The following GPC5 variants were observed in gnomAD, a reference collection of about 807,000 sequenced individuals.
GPC5 encodes glypican-5.
A neutral mutation model predicts 53.9 loss-of-function variants in GPC5; 47 were observed. That is an observed-to-expected ratio of 0.87 (90% CI 0.69 to 1.11). The LOEUF is 1.11. Among genes scored for constraint, GPC5 ranks in the 50% most tolerant of loss-of-function variants. The pLI, the probability that GPC5 is intolerant of heterozygous loss-of-function variation, is 0.00. For missense variants in GPC5, 748 were observed against 713.1 expected (o/e 1.05, Z -0.56); for synonymous variants, 286 against 263.3 (o/e 1.09, Z -0.84).
chr13:91,788,229 C>T (rs1409561267), intron 5 of GPC5, among the ~76,000 whole-genome samples: 1 of 152,154 alleles, frequency 6.6e-6, no homozygotes, highest in East Asian at 1.9e-4. Context: ...AGAAGGCTGC[C>T]TTCTTGCTGT....
rs116066139 is a variant in GPC5, at chr13:91,957,332, T to C, written c.1401+49275T>C. Among the ~76,000 whole-genome samples the C allele has an allele frequency of 6.0e-3, 915 of 152,206 alleles. 16 individuals are homozygous for C. The highest frequency in any genetic ancestry group is 0.021 in the African/African-American group (881 of 41,542). Reference sequence around the variant, plus strand: ...ACCCTATATGACATGTGGAACACCATAAAGCAACCAAATATTCACATTTTA... The same window carrying C: ...ACCCTATATGACATGTGGAACACCACAAAGCAACCAAATATTCACATTTTA... On this transcript the variant is annotated intron_variant, in intron 6 of 7. Transcript: ENST00000377067.
chr13:92,194,685 A>G (rs2042245514), intron 7 of GPC5, among the ~76,000 whole-genome samples: 1 of 152,224 alleles, frequency 6.6e-6, no homozygotes, highest in East Asian at 1.9e-4. Flanking sequence ...AATGCATCAG[A>G]GAGTAGACTA....
chr13:91,945,631 A>T (rs1213578953), intron 6 of GPC5, among the ~76,000 whole-genome samples: 1 of 152,156 alleles, frequency 6.6e-6, no homozygotes, highest in African/African-American at 2.4e-5. Context: ...CTCTAGGACG[A>T]AGGAAAGGGG....
At chr13:92,217,358 T>A (rs1023626468) in intron 7 of GPC5, among the ~76,000 whole-genome samples, 2 of 152,148 alleles carry the variant, frequency 1.3e-5, no homozygotes, top group African/African-American at 4.8e-5. Context: ...GCTAAGTCAG[T>A]TTATCAAGAA....
chr13:92,493,514 C>T (rs1469100606), intron 7 of GPC5, among the ~76,000 whole-genome samples: 1 of 151,990 alleles, frequency 6.6e-6, no homozygotes, highest in Admixed American at 6.6e-5. Context: ...GGGTTAACTG[C>T]AGTAGTAGGT....
intron 7 of GPC5, among the ~76,000 whole-genome samples, chr13:92,671,226 G>A (rs1459209503): frequency 5.9e-5 from 9 of 152,022 alleles, no homozygotes; most frequent in African/African-American, 1.9e-4. Context: ...AAAACATTCC[G>A]AAATAAACAA....
At chr13:91,542,217 T>G (rs1242192978) in intron 2 of GPC5, among the ~76,000 whole-genome samples, 1 of 152,158 alleles carries the variant, frequency 6.6e-6, no homozygotes, top group East Asian at 1.9e-4. Flanking sequence ...GTATCAAAAT[T>G]ACATGCATTG....
At chr13:92,167,099 A>G (rs1385067802) in intron 7 of GPC5, among the ~76,000 whole-genome samples, 1 of 151,990 alleles carries the variant, frequency 6.6e-6, no homozygotes, top group Admixed American at 6.6e-5. Flanking sequence ...CATTTTTTTC[A>G]TAGTTAAGTA....
intron 7 of GPC5, among the ~76,000 whole-genome samples, chr13:92,715,468 A>C (rs1888297587): frequency 6.6e-6 from 1 of 152,242 alleles, no homozygotes; most frequent in Admixed American, 6.5e-5. Flanking sequence ...TAAATGATTA[A>C]GTAAACAAAA....
rs559595204 is a variant in GPC5 at position 92,253,326 on chromosome 13, G to T, written c.1561+108337G>T. On this transcript the variant is annotated intron_variant, in intron 7 of 7. Transcript: ENST00000377067. ...CTGAAGGGTTTGGACCTCACACAAA[G>T]ATGAGATCTCATAAACTGGCATGAG... 4.6e-5 allele frequency among the ~76,000 whole-genome samples: 7 copies of T among 152,188 alleles called. No homozygotes were observed. In the South Asian group the frequency reaches 1.5e-3, roughly 32 times the overall value.
chr13:91,511,450 T>C (rs1885225137), intron 2 of GPC5, among the ~76,000 whole-genome samples: 1 of 152,164 alleles, frequency 6.6e-6, no homozygotes, highest in African/African-American at 2.4e-5. Flanking sequence ...TTTTTTCTGC[T>C]TCCTTTTCTC....
chr13:92,216,091 C>A (rs898246299), intron 7 of GPC5, among the ~76,000 whole-genome samples: 2 of 152,186 alleles, frequency 1.3e-5, no homozygotes, highest in Non-Finnish European at 2.9e-5. Flanking sequence ...AGAAAAACAT[C>A]ATTCCTGAGA....
chr13:92,606,093 T>TTA (rs1280829956), intron 7 of GPC5, among the ~76,000 whole-genome samples: 4 of 152,120 alleles, frequency 2.6e-5, no homozygotes, highest in Admixed American at 2.6e-4. Context: ...TTTCTTTTTT[T>TTA]TATTATTATT....
At chr13:92,718,432 G>T (rs972153642) in intron 7 of GPC5, among the ~76,000 whole-genome samples, 1 of 152,112 alleles carries the variant, frequency 6.6e-6, no homozygotes, top group Non-Finnish European at 1.5e-5. Flanking sequence ...ATTATGTGAA[G>T]TGAAATAGGC....
At position 91,838,023 on chromosome 13, in the gene GPC5, A is replaced by G. The variant is rs73609306; in HGVS notation, c.1281-69914A>G. Among the ~76,000 whole-genome samples the G allele has an allele frequency of 1.4e-3, 206 of 152,298 alleles. 1 individual carries two copies. Among genetic ancestry groups the G allele is most frequent in the African/African-American group, 4.8e-3 (198 of 41,582 alleles). ...GGAGAGAACAGCATTCTGAATAGAT[A>G]GAATGCATTCAACAGTCAAGTGACA... On this transcript the variant is annotated intron_variant, in intron 5 of 7. Transcript: ENST00000377067.
chr13:92,003,961 G>C (rs2040580234), intron 6 of GPC5, among the ~76,000 whole-genome samples: 1 of 152,110 alleles, frequency 6.6e-6, no homozygotes, highest in Admixed American at 6.5e-5. Context: ...AAAATTAAAA[G>C]ATCCTCCTAC....
At chr13:91,941,059 T>C (rs1271788091) in intron 6 of GPC5, among the ~76,000 whole-genome samples, 1 of 152,130 alleles carries the variant, frequency 6.6e-6, no homozygotes, top group Non-Finnish European at 1.5e-5. Flanking sequence ...CCAAAAGCAG[T>C]TCTTTGCCAA....
chr13:92,257,501 G>C (rs896449382), intron 7 of GPC5, among the ~76,000 whole-genome samples: 1 of 142,828 alleles, frequency 7.0e-6, no homozygotes, highest in East Asian at 2.1e-4. Context: ...CACTTAGCAT[G>C]TAGTTATAAC....
rs188974831 is a variant in GPC5, at chr13:92,759,863, G to A, written c.1562-106419G>A. Among the ~76,000 whole-genome samples the A allele has an allele frequency of 4.2e-4, 64 of 152,094 alleles. No individual in the cohort carries two copies. The East Asian group carries it at 0.011, about 25-fold the overall frequency. On this transcript the variant is annotated intron_variant, in intron 7 of 7. Coordinates refer to ENST00000377067, the MANE Select transcript of GPC5 (RefSeq NM_004466.6). The stretch of plus-strand genomic sequence containing the variant: ...GTCATCTGTGGGTTCTTCATAAATA[G>A]CCTTTATTATAGTGAGAAACTTTCC...
Sources: allele counts gnomAD v4.1 joint callset (sites outside exome capture counted in the v4.1 genomes callset), GRCh38; gene constraint gnomAD v4.1.1; transcripts MANE v1.5; gene names NCBI Gene and HGNC (gene_info 2026-07-23, HGNC 2026-07-21).